The following PDE10A variants were observed in gnomAD, a reference collection of about 807,000 sequenced individuals.
The protein encoded by PDE10A is cAMP and cAMP-inhibited cGMP 3',5'-cyclic phosphodiesterase 10A.
PDE10A carries 39 observed loss-of-function variants against 97.7 expected under a neutral mutation model. The ratio of observed to expected loss-of-function variants is 0.40; its 90% CI spans 0.31 to 0.52. The LOEUF is 0.52. Among genes scored for constraint, PDE10A ranks in the 20% least tolerant of loss-of-function variants. The probability of loss-of-function intolerance (pLI) is 0.56; values close to 1 mark genes in which losing one functional copy is unlikely to be tolerated. For missense variants in PDE10A, 731 were observed against 1,047.8 expected (o/e 0.70, Z 4.17); for synonymous variants, 371 against 376.8 (o/e 0.98, Z 0.18).
intron 1 of PDE10A, among the ~76,000 whole-genome samples, chr6:165,768,143 T>TTTTA (rs1207164538): frequency 6.6e-6 from 1 of 152,226 alleles, no homozygotes; most frequent in African/African-American, 2.4e-5. Flanking sequence ...TTATTTGCCT[T>TTTTA]TTTATCGTTG....
chr6:165,974,648 G>T (rs888743213), intron 1 of PDE10A, among the ~76,000 whole-genome samples: 8 of 152,226 alleles, frequency 5.3e-5, no homozygotes, highest in African/African-American at 1.7e-4. Flanking sequence ...TTTACCAGTT[G>T]ATAGCGCATT....
At chr6:165,642,825 G>A (rs573125106) in intron 1 of PDE10A, among the ~76,000 whole-genome samples, 25 of 152,312 alleles carry the variant, frequency 1.6e-4, no homozygotes, top group African/African-American at 5.8e-4. Context: ...GCCAAAGAAC[G>A]TGCGTCCCAT....
At chr6:165,807,976 T>C (rs922149101) in intron 1 of PDE10A, among the ~76,000 whole-genome samples, 1 of 152,208 alleles carries the variant, frequency 6.6e-6, no homozygotes, top group African/African-American at 2.4e-5. Flanking sequence ...GCACACAGTA[T>C]GAAAGAAAAG....
intron 1 of PDE10A, among the ~76,000 whole-genome samples, chr6:165,549,262 G>T (rs1158672697): frequency 6.6e-6 from 1 of 152,100 alleles, no homozygotes; most frequent in Non-Finnish European, 1.5e-5. Context: ...AACATATAAG[G>T]TGGGTTTCTT....
At chr6:165,848,606 G>A (rs1780488365) in intron 1 of PDE10A, among the ~76,000 whole-genome samples, 1 of 152,160 alleles carries the variant, frequency 6.6e-6, no homozygotes, top group African/African-American at 2.4e-5. Flanking sequence ...AAGTTGTTGG[G>A]GGAGGGTGGT....
intron 1 of PDE10A, among the ~76,000 whole-genome samples, chr6:165,851,538 CT>C (rs1157631004): frequency 6.6e-6 from 1 of 152,222 alleles, no homozygotes; most frequent in Non-Finnish European, 1.5e-5. Flanking sequence ...TAAAACTTTA[CT>C]GTCTAGTTAT....
intron 13 of PDE10A, among the ~76,000 whole-genome samples, chr6:165,402,242 T>C (rs1296245582): frequency 6.6e-6 from 1 of 152,098 alleles, no homozygotes; most frequent in African/African-American, 2.4e-5. Flanking sequence ...TTTTTGATAT[T>C]AATATATTGA....
intron 1 of PDE10A, among the ~76,000 whole-genome samples, chr6:165,641,260 CAAAT>C (rs1789119802): frequency 6.6e-6 from 1 of 151,836 alleles, no homozygotes; most frequent in African/African-American, 2.4e-5. Context: ...TTTAGAAAGA[CAAAT>C]AAAAATACCT....
intron 5 of PDE10A, among the ~76,000 whole-genome samples, chr6:165,440,153 G>C (rs748654683): frequency 3.3e-5 from 5 of 152,120 alleles, no homozygotes; most frequent in Admixed American, 2.6e-4. Flanking sequence ...GTAGACGGCC[G>C]TAAGTAAATA....
At chr6:165,740,891 A>G (rs1792704991) in intron 1 of PDE10A, among the ~76,000 whole-genome samples, 1 of 152,180 alleles carries the variant, frequency 6.6e-6, no homozygotes, top group Non-Finnish European at 1.5e-5. Flanking sequence ...AGATGGGGAG[A>G]TGTTGGTCAA....
intron 1 of PDE10A, among the ~76,000 whole-genome samples, chr6:165,580,024 C>G (rs1348573987): frequency 1.3e-5 from 2 of 152,162 alleles, no homozygotes; most frequent in Admixed American, 6.5e-5. Context: ...GCACTCTAAA[C>G]TTTCGAATAT....
intron 1 of PDE10A, among the ~76,000 whole-genome samples, chr6:165,636,977 T>G (rs1365134170): frequency 6.6e-6 from 1 of 152,162 alleles, no homozygotes; most frequent in African/African-American, 2.4e-5. Context: ...ATTGTCAGAC[T>G]GTAAATGAAA....
chr6:165,626,177 A>AC (rs1332981602), intron 1 of PDE10A, among the ~76,000 whole-genome samples: 2 of 152,202 alleles, frequency 1.3e-5, no homozygotes, highest in African/African-American at 4.8e-5. Context: ...GGAAATTCTT[A>AC]GTTCTCTCCC....
intron 1 of PDE10A, among the ~76,000 whole-genome samples, chr6:165,966,468 G>C (rs181161277): frequency 6.6e-6 from 1 of 152,228 alleles, no homozygotes. Context: ...GGCCCTGGAC[G>C]TGAGGGACAA....
At chr6:165,964,622 C>A (rs780021533) in intron 1 of PDE10A, among the ~76,000 whole-genome samples, 2 of 152,176 alleles carry the variant, frequency 1.3e-5, no homozygotes, top group Non-Finnish European at 2.9e-5. Context: ...TGCCAGCGAG[C>A]GTCCTAGGCA....
chr6:165,372,479 T>C (rs1398034620), intron 18 of PDE10A, among the ~76,000 whole-genome samples: 1 of 121,274 alleles, frequency 8.2e-6, no homozygotes, highest in African/African-American at 3.8e-5. Flanking sequence ...CCATTCACAG[T>C]TGCTTCAAAG....
intron 1 of PDE10A, among the ~76,000 whole-genome samples, chr6:165,774,056 G>A (rs766035089): frequency 8.6e-5 from 13 of 152,004 alleles, no homozygotes; most frequent in Non-Finnish European, 1.3e-4. Flanking sequence ...ACTTACGTGT[G>A]ACACTAGCCT....
At chr6:165,439,988 A>G (rs917286354) in intron 5 of PDE10A, among the ~76,000 whole-genome samples, 3 of 152,208 alleles carry the variant, frequency 2.0e-5, no homozygotes, top group African/African-American at 7.2e-5. Flanking sequence ...CACTTTATTC[A>G]TGAGACTTCA....
intron 2 of PDE10A, among the ~76,000 whole-genome samples, chr6:165,536,181 T>C (rs1562558964): frequency 6.6e-6 from 1 of 151,944 alleles, no homozygotes; most frequent in Non-Finnish European, 1.5e-5. Flanking sequence ...AGTCAACTCA[T>C]TTTTGACAAG....
Sources: gnomAD v4.1 joint callset for allele counts (sites outside exome capture counted in the v4.1 genomes callset) on GRCh38, gnomAD v4.1.1 for gene constraint, MANE v1.5 for transcripts, NCBI Gene and HGNC (gene_info 2026-07-23, HGNC 2026-07-21) for gene names.